Variants in CCDC9B observed in about 807,000 individuals in gnomAD.
The protein encoded by CCDC9B is coiled-coil domain-containing protein 9B.
A neutral mutation model predicts 47.2 loss-of-function variants in CCDC9B; 40 were observed. The ratio of observed to expected loss-of-function variants is 0.85; its 90% confidence interval spans 0.66 to 1.10. The LOEUF (loss-of-function observed/expected upper bound fraction) is 1.10. Among genes scored for constraint, CCDC9B ranks in the 50% least tolerant of loss-of-function variants. The pLI is 0.00. For missense variants in CCDC9B, 662 were observed against 651.0 expected (o/e 1.02, Z -0.18); for synonymous variants, 238 against 250.7 (o/e 0.95, Z 0.48).
At position 40,338,600 on chromosome 15, in the gene CCDC9B, G is replaced by T. The variant is rs779017180; in HGVS notation, c.448C>A (p.Pro150Thr). ...GGGCTTCGGGTCACACGCCCTCCAGGTGACCCCTCTATGCCTTGGTTCCTT... is the reference window on the plus strand; with the variant it reads ...GGGCTTCGGGTCACACGCCCTCCAGTTGACCCCTCTATGCCTTGGTTCCTT... ...RARNQGIEGS[P>T]GGRVTRSPPT... The change falls in exon 5 of 11, where the codon CCT becomes ACT. Residue 150 changes from proline to threonine, a missense_variant. Physicochemically the swap from Pro to Thr is conservative, Grantham distance 38 (BLOSUM62 -1). Transcript: ENST00000397536. The T allele has an allele frequency of 1.9e-6, 3 of 1,614,112 alleles. No individual in the cohort carries two copies. Among genetic ancestry groups the T allele is most frequent in the Non-Finnish European group, 1.7e-6 (2 of 1,180,002 alleles).
At position 40,337,027 on chromosome 15, in the gene CCDC9B, A is replaced by G. The variant is rs980978917; in HGVS notation, c.743-214T>C. 3 of 599,250 alleles carry G rather than the reference A, an allele frequency of 5.0e-6. No individual in the cohort carries two copies. The African/African-American group carries it at 5.6e-5, about 11-fold the overall frequency. The allele number at this position is 599,250 out of a possible 1,614,324, so 37.1% of individuals were successfully genotyped here. ...TGTCTGGCCCCAACTCTCAGGCCAC[A>G]GCTTCTTTATATATAAAACAAGGGG... On this transcript the variant is annotated intron_variant, in intron 7 of 10. Transcript: ENST00000397536.
At chr15:40,340,647 T>C in intron 1 of CCDC9B, 161 bp downstream of exon 1, 1 of 659,508 alleles carries the variant, frequency 1.5e-6, no homozygotes, top group Non-Finnish European at 2.5e-6. Context: ...AGATTCCAGG[T>C]TCCTCTCTGT....
chr15:40,339,201 C>T (rs190142363), intron 3 of CCDC9B: 65 of 589,114 alleles, frequency 1.1e-4, no homozygotes, highest in Admixed American at 8.0e-4. Context: ...GCCCCAACTT[C>T]TCTGTCCCCC....
In CCDC9B at chr15:40,334,898, C is replaced by G. The variant is rs1888922292; in HGVS notation, c.*260G>C. On this transcript the variant is annotated 3_prime_UTR_variant, in exon 11 of 11. Coordinates refer to ENST00000397536, the MANE Select transcript of CCDC9B (RefSeq NM_207380.3). ...GGCCCAGGTCAGGGTGCACCAGCCT[C>G]AGATGCCAGATACTAGTACAGGAAT... 8.6e-6 allele frequency: 3 copies of G among 350,764 alleles called. No individual in the cohort carries two copies. The highest frequency in any genetic ancestry group is 6.3e-5 in the African/African-American group (3 of 47,648). The allele number at this position is 350,764 out of a possible 1,614,324, so 21.7% of individuals were successfully genotyped here.
rs1199955473 is a variant in CCDC9B, at chr15:40,332,668, G to C, written c.*2490C>G. The C allele has an allele frequency of 6.6e-6, 1 of 152,184 alleles. No individual in the cohort carries two copies. The highest frequency in any genetic ancestry group is 2.4e-5 in the African/African-American group (1 of 41,424). 9.4% of individuals were successfully genotyped at this position (152,184 alleles called of 1,614,324 possible). A position where few individuals can be genotyped will look rare whatever the true frequency, so the allele number is the denominator to read the frequency against. ...CGCAGCTGTACAGTTGGCAGCACTG[G>C]GTTGGGGAGCAGACTGTGAATCTTA... On this transcript the variant is annotated 3_prime_UTR_variant, in exon 11 of 11. Coordinates refer to ENST00000397536, the MANE Select transcript of CCDC9B (RefSeq NM_207380.3).
chr15:40,336,482 C>G (rs1888961822), intron 9 of CCDC9B, 92 bp downstream of exon 9: 1 of 1,500,284 alleles, frequency 6.7e-7, no homozygotes. Context: ...GGCAGGGGCC[C>G]CAGGGATGGA....
rs1240141431 is a variant in CCDC9B, at chr15:40,336,361, G to A, written c.887+213C>T. On this transcript the variant is annotated intron_variant, in intron 9 of 10. Coordinates refer to ENST00000397536, the MANE Select transcript of CCDC9B (RefSeq NM_207380.3). ...GGCATACCTCATTTCCCAGGGGAAG[G>A]GAGCTGCTGTAATTACCACCAGCCT... is the stretch of plus-strand genomic sequence containing the variant. 6.1e-6 allele frequency: 6 copies of A among 985,258 alleles called. No homozygotes were observed. The Admixed American group carries it at 1.8e-4, about 30-fold the overall frequency. 61.0% of individuals were successfully genotyped at this position (985,258 alleles called of 1,614,324 possible). A position where few individuals can be genotyped will look rare whatever the true frequency, so the allele number is the denominator to read the frequency against.
In CCDC9B at chr15:40,335,210, G is replaced by A; in HGVS notation, c.1421C>T (p.Thr474Ile). The A allele has an allele frequency of 1.9e-6, 3 of 1,565,578 alleles. No individual in the cohort carries two copies. Among genetic ancestry groups the A allele is most frequent in the Non-Finnish European group, 2.6e-6 (3 of 1,153,896 alleles). ...CCCTGTCCTGCGCCTCACACCTGCT[G>A]TGCCTCTCGACCTTTGGCTGCCTCC... ...TRGGSQRSRGTAGVRRRTGRP... is the reference protein window; with the variant it reads ...TRGGSQRSRGIAGVRRRTGRP... The change falls in exon 11 of 11, where the codon ACA becomes ATA. Residue 474 changes from threonine to isoleucine, a missense_variant. Thr to Ile is a moderately conservative substitution (Grantham distance 89). Transcript: ENST00000397536.
At chr15:40,340,261 C>A (rs986944158) in intron 1 of CCDC9B, 6 of 532,752 alleles carry the variant, frequency 1.1e-5, no homozygotes, top group African/African-American at 9.6e-5. Flanking sequence ...AGCCACAGCT[C>A]CCAGCAGTGG....
At chr15:40,336,082 T>C in intron 9 of CCDC9B, 2 of 985,336 alleles carry the variant, frequency 2.0e-6, no homozygotes, top group Non-Finnish European at 2.4e-6. Context: ...CCTCTGGGCC[T>C]CCATCTCCTT....
At position 40,336,787 on chromosome 15, in the gene CCDC9B, G is replaced by T. The variant is rs775026611; in HGVS notation, c.769C>A (p.Pro257Thr). The T allele has an allele frequency of 1.3e-6, 2 of 1,599,004 alleles. No homozygotes were observed. Among genetic ancestry groups the T allele is most frequent in the South Asian group, 2.2e-5 (2 of 89,184 alleles). ...TTTCCATCAGGGAGCAATGGTGGGG[G>T]CTGTAGTTTCTGGTGGCTCCTGGGA... ...RGPRSHQKLQ[P>T]PPLLPDGKGR... is the part of the protein sequence containing the mutation. Residue 257 changes from proline (P) to threonine (T), a missense_variant, in exon 8 of 11, where the codon CCC (proline) becomes ACC (threonine). Coordinates refer to ENST00000397536, the MANE Select transcript of CCDC9B (RefSeq NM_207380.3).
Position 40,335,511 on chromosome 15 carries a change from C to T in CCDC9B, c.1120G>A (p.Ala374Thr). Residue 374 changes from alanine (A) to threonine (T), a missense_variant, in exon 11 of 11, where the codon GCT (alanine) becomes ACT (threonine). Coordinates refer to ENST00000397536, the MANE Select transcript of CCDC9B (RefSeq NM_207380.3). ...CCTCCTAGGGAGAGGTCAAGAGGAG[C>T]CAAGTCAGGCTCCTGTGGAGAGCAG... ...VPCSPQEPDL[A>T]PLDLSLGGAG... The T allele has an allele frequency of 6.4e-7, 1 of 1,559,818 alleles. No individual in the cohort carries two copies. Among genetic ancestry groups the T allele is most frequent in the Non-Finnish European group, 8.7e-7 (1 of 1,150,418 alleles).
chr15:40,335,230 G>C lies in CCDC9B; in HGVS notation c.1401C>G (p.Gly467=). Residue 467 remains glycine, a synonymous_variant, in exon 11 of 11, where the codon GGC becomes GGG. Coordinates refer to ENST00000397536, the MANE Select transcript of CCDC9B (RefSeq NM_207380.3). ...CTGCTGTGCCTCTCGACCTTTGGCT[G>C]CCTCCTCTCGTGGGCCGGCTTCTCG... ...LAPRSRPTRG[G]SQRSRGTAGV... is the part of the protein sequence containing the mutation. 1 of 1,585,804 alleles carries C rather than the reference G, an allele frequency of 6.3e-7. No homozygotes were observed. The highest frequency in any genetic ancestry group is 1.1e-5 in the South Asian group (1 of 88,966).
rs749781667 is a variant in CCDC9B, at chr15:40,335,337, G to A, written c.1294C>T (p.Pro432Ser). ...AGCCCTGCTCCTCTCTGTGGCTCAG[G>A]GCAAGTCTGTACTTCCAGCTCAGCC... ...HQAELEVQTC[P>S]EPQRGAGLPE... The change falls in exon 11 of 11, where the codon CCT becomes TCT. Residue 432 changes from proline (P) to serine (S), a missense_variant. Physicochemically the swap from Pro to Ser is moderately conservative, Grantham distance 74 (BLOSUM62 -1). Transcript: ENST00000397536. 2 of 1,613,474 alleles carry A rather than the reference G, an allele frequency of 1.2e-6. No individual in the cohort carries two copies. The highest frequency in any genetic ancestry group is 1.7e-6 in the Non-Finnish European group (2 of 1,179,914).
At chr15:40,337,516 T>A (rs896825839) in intron 6 of CCDC9B, 70 bp from the exon 7 acceptor site, 4 of 1,363,008 alleles carry the variant, frequency 2.9e-6, no homozygotes, top group Non-Finnish European at 3.0e-6. Context: ...GACACCCCCC[T>A]CCCCGAAGCC....
intron 9 of CCDC9B, 130 bp downstream of exon 9, chr15:40,336,441 CATT>C: frequency 6.9e-7 from 1 of 1,442,614 alleles, no homozygotes; most frequent in South Asian, 1.5e-5. Flanking sequence ...CCCAGCATCT[CATT>C]AACCTGCCAG....
intron 9 of CCDC9B, chr15:40,336,240 C>T: frequency 1.0e-6 from 1 of 985,450 alleles, no homozygotes; most frequent in Non-Finnish European, 1.2e-6. Context: ...ACTCTGGGCC[C>T]ATCCTGGGTC....
chr15:40,334,894 G>GCACCAT lies in CCDC9B; in HGVS notation c.*263_*264insATGGTG. 1 of 343,560 alleles carries GCACCAT rather than the reference G, an allele frequency of 2.9e-6. No individual in the cohort carries two copies. The highest frequency in any genetic ancestry group is 4.8e-5 in the Admixed American group (1 of 20,864). 21.3% of individuals were successfully genotyped at this position (343,560 alleles called of 1,614,324 possible). On this transcript the variant is annotated 3_prime_UTR_variant, in exon 11 of 11. Transcript: ENST00000397536. Reference sequence around the variant, plus strand: ...AGTAGGCCCAGGTCAGGGTGCACCAGCCTCAGATGCCAGATACTAGTACAG... The same window carrying GCACCAT: ...AGTAGGCCCAGGTCAGGGTGCACCAGCACCATCCTCAGATGCCAGATACTAGTACAG...
chr15:40,340,834 C>T lies in CCDC9B; in HGVS notation c.-15G>A. The T allele has an allele frequency of 8.1e-6, 13 of 1,609,388 alleles. No individual in the cohort carries two copies. The highest frequency in any genetic ancestry group is 1.1e-5 in the Non-Finnish European group (13 of 1,178,568). ...GCCGAGTGCATGGCAACGGCGGGCA[C>T]CGAGAGAATTCCAGAGCAGCCCCTG... On this transcript the variant is annotated 5_prime_UTR_variant, in exon 1 of 11. The change creates a new upstream start codon in the 5' untranslated region. Coordinates refer to ENST00000397536, the MANE Select transcript of CCDC9B (RefSeq NM_207380.3).
Sources: allele counts gnomAD v4.1 joint callset, GRCh38; gene constraint gnomAD v4.1.1; transcripts MANE v1.5; gene names NCBI Gene and HGNC (gene_info 2026-07-23, HGNC 2026-07-21).